RAD51B: variants seen among roughly 807,000 people sequenced by gnomAD.
The protein encoded by RAD51B is RAD51 paralog B, also known as DNA repair protein RAD51 homolog 2.
In RAD51B, 38 loss-of-function variants were observed where a neutral mutation model predicts 42.2. The ratio of observed to expected loss-of-function variants is 0.90; its 90% confidence interval spans 0.70 to 1.18. The LOEUF (loss-of-function observed/expected upper bound fraction) is 1.18. Ranked by LOEUF, RAD51B falls within the 50% of genes most tolerant of loss-of-function variation. RAD51B has a pLI of 0.00. For synonymous variants in RAD51B, 154 were observed against 145.2 expected, an observed-to-expected ratio of 1.06 and a Z score of -0.43; for missense variants, 373 against 400.7, an observed-to-expected ratio of 0.93 and a Z score of 0.59.
At chr14:68,100,490 A>T (rs1434123977) in intron 7 of RAD51B, among the ~76,000 whole-genome samples, 2 of 151,882 alleles carry the variant, frequency 1.3e-5, no homozygotes, top group South Asian at 2.1e-4. Context: ...AAAGTCTGTA[A>T]TTTTTTTCAG....
chr14:68,231,787 A>C (rs1171285691), intron 7 of RAD51B, among the ~76,000 whole-genome samples: 2 of 151,900 alleles, frequency 1.3e-5, no homozygotes, highest in East Asian at 3.8e-4. Flanking sequence ...TTACTAAGGT[A>C]ATGAAAAAAT....
At chr14:67,871,309 C>T (rs1377248865) in intron 5 of RAD51B, among the ~76,000 whole-genome samples, 1 of 152,120 alleles carries the variant, frequency 6.6e-6, no homozygotes, top group East Asian at 1.9e-4. Flanking sequence ...CTACAAACAC[C>T]TCTATGCAAA....
At chr14:67,981,495 A>C (rs1045362864) in intron 7 of RAD51B, among the ~76,000 whole-genome samples, 1 of 152,222 alleles carries the variant, frequency 6.6e-6, no homozygotes, top group Admixed American at 6.5e-5. Context: ...ATGTCCATGC[A>C]AGGGCTTGTA....
intron 7 of RAD51B, among the ~76,000 whole-genome samples, chr14:68,218,639 A>G (rs989474332): frequency 2.1e-4 from 32 of 152,274 alleles, no homozygotes; most frequent in African/African-American, 7.7e-4. Flanking sequence ...CAATATATGA[A>G]TCTTTCTTTA....
At chr14:68,510,532 G>A (rs1885657691) in intron 10 of RAD51B, among the ~76,000 whole-genome samples, 1 of 152,208 alleles carries the variant, frequency 6.6e-6, no homozygotes, top group African/African-American at 2.4e-5. Flanking sequence ...CTGTTGGGGG[G>A]CTCTGGCTGG....
At chr14:68,543,742 C>G (rs1888083681) in intron 10 of RAD51B, among the ~76,000 whole-genome samples, 2 of 152,134 alleles carry the variant, frequency 1.3e-5, no homozygotes, top group Admixed American at 6.5e-5. Flanking sequence ...TGGGGCCAAC[C>G]ACTCCCTACG....
intron 10 of RAD51B, among the ~76,000 whole-genome samples, chr14:68,609,615 G>A (rs1005619350): frequency 1.2e-4 from 18 of 152,328 alleles, no homozygotes; most frequent in African/African-American, 4.3e-4. Flanking sequence ...TGTGGCAGCA[G>A]GATCTCCAGT....
intron 7 of RAD51B, among the ~76,000 whole-genome samples, chr14:67,956,478 C>T (rs546715869): frequency 8.9e-4 from 135 of 151,662 alleles, no homozygotes; most frequent in African/African-American, 3.0e-3. Context: ...AGAGCGACTC[C>T]GTCTAAAATG....
intron 8 of RAD51B, among the ~76,000 whole-genome samples, chr14:68,314,529 G>A (rs1410481900): frequency 4.6e-5 from 7 of 152,060 alleles, no homozygotes; most frequent in African/African-American, 9.7e-5. Flanking sequence ...TTCATACATT[G>A]GAAGCCCAAA....
intron 8 of RAD51B, among the ~76,000 whole-genome samples, chr14:68,372,176 G>A (rs555873938): frequency 1.6e-4 from 24 of 152,282 alleles, no homozygotes; most frequent in African/African-American, 5.8e-4. Flanking sequence ...TTGACCCTTG[G>A]ATTTGGCAGA....
At chr14:68,095,613 C>G (rs1164472529) in intron 7 of RAD51B, among the ~76,000 whole-genome samples, 1 of 151,876 alleles carries the variant, frequency 6.6e-6, no homozygotes, top group East Asian at 1.9e-4. Flanking sequence ...ATTCACATAC[C>G]CAATACCATA....
intron 7 of RAD51B, among the ~76,000 whole-genome samples, chr14:67,906,478 A>AT (rs2043785186): frequency 1.3e-5 from 2 of 151,788 alleles, no homozygotes; most frequent in Non-Finnish European, 1.5e-5. Context: ...GTATCAGCTT[A>AT]TTTTTTTACA....
chr14:67,959,519 T>C (rs2140226023), intron 7 of RAD51B, among the ~76,000 whole-genome samples: 1 of 152,282 alleles, frequency 6.6e-6, no homozygotes, highest in Middle Eastern at 3.4e-3. Context: ...AGTGCTGGGA[T>C]TACAGGCATG....
At chr14:68,207,256 A>G (rs1044600596) in intron 7 of RAD51B, among the ~76,000 whole-genome samples, 1 of 152,196 alleles carries the variant, frequency 6.6e-6, no homozygotes, top group Admixed American at 6.5e-5. Context: ...ACACACATAT[A>G]CACCTACATA....
At chr14:68,247,337 T>C (rs182557026) in intron 7 of RAD51B, among the ~76,000 whole-genome samples, 1 of 152,310 alleles carries the variant, frequency 6.6e-6, no homozygotes, top group Admixed American at 6.5e-5. Context: ...TTGAATTGTC[T>C]TTAAATTTTG....
intron 7 of RAD51B, among the ~76,000 whole-genome samples, chr14:68,103,757 A>G (rs910986456): frequency 6.6e-6 from 1 of 152,224 alleles, no homozygotes; most frequent in Non-Finnish European, 1.5e-5. Flanking sequence ...GTTTCAGACC[A>G]CTTCAGATAA....
intron 9 of RAD51B, among the ~76,000 whole-genome samples, chr14:68,414,514 T>G (rs927074286): frequency 6.6e-6 from 1 of 152,084 alleles, no homozygotes; most frequent in Non-Finnish European, 1.5e-5. Flanking sequence ...GTCTACCCCG[T>G]GCATGGTATG....
chr14:68,370,670 G>C (rs186743650), intron 8 of RAD51B, among the ~76,000 whole-genome samples: 2 of 152,106 alleles, frequency 1.3e-5, no homozygotes, highest in Non-Finnish European at 2.9e-5. Context: ...ATAGGGGATG[G>C]CAAGTGGTCA....
At chr14:68,245,348 G>A (rs1010605736) in intron 7 of RAD51B, among the ~76,000 whole-genome samples, 4 of 152,204 alleles carry the variant, frequency 2.6e-5, no homozygotes, top group African/African-American at 9.7e-5. Context: ...TGATGTATTA[G>A]TAACACATGG....
Sources: allele counts gnomAD v4.1 joint callset (sites outside exome capture counted in the v4.1 genomes callset), GRCh38; gene constraint gnomAD v4.1.1; transcripts MANE v1.5; gene names NCBI Gene and HGNC (gene_info 2026-07-23, HGNC 2026-07-21).